The following NFAM1 variants were observed in gnomAD, a reference collection of about 807,000 sequenced individuals.
NFAM1 encodes the protein NFAT activating protein with ITAM motif 1.
In NFAM1, 17 loss-of-function variants were observed where a neutral mutation model predicts 29.0. That is an observed-to-expected ratio of 0.59 (90% CI 0.40 to 0.88). The LOEUF is 0.88. NFAM1 is among the 40% of genes least tolerant of loss of function. The pLI is 0.00. For missense variants in NFAM1, 324 were observed against 344.6 expected (o/e 0.94, Z 0.47); for synonymous variants, 175 against 147.2 (o/e 1.19, Z -1.36).
At chr22:42,437,019 A>C, upstream of NFAM1, 2 of 984,470 alleles carry the variant, frequency 2.0e-6, no homozygotes, top group Non-Finnish European at 2.4e-6. Context: ...TCCCCCTGCT[A>C]TGCTCAGTTT....
In NFAM1 at chr22:42,409,918, C is replaced by T. The variant is rs934470683; in HGVS notation, c.452-371G>A. Reference sequence around the variant, plus strand: ...TGGATGTGGCTAGGGCTGAAGGAGGCGGATTTATCCTGGGACTGACAGGGG... The same window carrying T: ...TGGATGTGGCTAGGGCTGAAGGAGGTGGATTTATCCTGGGACTGACAGGGG... On this transcript the variant is annotated intron_variant, in intron 2 of 5. Coordinates refer to ENST00000329021, the MANE Select transcript of NFAM1 (RefSeq NM_145912.8). The surrounding 1 kb of genome is among the most constrained non-coding windows in gnomAD (Gnocchi z 4.9). Among the ~76,000 whole-genome samples the T allele has an allele frequency of 5.9e-5, 9 of 152,220 alleles. No individual in the cohort carries two copies. Among genetic ancestry groups the T allele is most frequent in the South Asian group, 2.1e-4 (1 of 4,824 alleles).
intron 1 of NFAM1, among the ~76,000 whole-genome samples, chr22:42,420,718 A>G (rs1165095641): frequency 3.4e-5 from 5 of 146,496 alleles, no homozygotes. Context: ...GTGAGCCGAG[A>G]TCACGCACGC....
At position 42,383,685 on chromosome 22, in the gene NFAM1, T is replaced by TCATGCTACTACTG. The variant is rs1929034125; in HGVS notation, c.*1475_*1476insCAGTAGTAGCATG. The stretch of plus-strand genomic sequence containing the variant: ...GGGGCATGACCTGCAGAACCAAAGG[T>TCATGCTACTACTG]GCTTCTGTGAGCCAGTAGCCCAGTG... On this transcript the variant is annotated 3_prime_UTR_variant, in exon 6 of 6. Transcript: ENST00000329021. 6.5e-6 allele frequency: 1 copy of TCATGCTACTACTG among 152,796 alleles called. No homozygotes were observed. The highest frequency in any genetic ancestry group is 2.1e-4 in the South Asian group (1 of 4,828). The allele number at this position is 152,796 out of a possible 1,614,324, so 9.5% of individuals were successfully genotyped here. A position where few individuals can be genotyped will look rare whatever the true frequency, so the allele number is the denominator to read the frequency against.
intron 1 of NFAM1, among the ~76,000 whole-genome samples, chr22:42,427,010 C>G: frequency 6.6e-6 from 1 of 152,120 alleles, no homozygotes; most frequent in South Asian, 2.1e-4. Flanking sequence ...CAGCGTACTC[C>G]AGAGACTTGG....
In NFAM1 at chr22:42,388,001, A is replaced by G. The variant is rs966430468; in HGVS notation, c.664-923T>C. 1.3e-5 allele frequency among the ~76,000 whole-genome samples: 2 copies of G among 152,200 alleles called. No homozygotes were observed. Among genetic ancestry groups the G allele is most frequent in the Non-Finnish European group, 2.9e-5 (2 of 68,032 alleles). ...TGAGGGCAGGGACCATGCCTAGTCT[A>G]TCTCTGGGTTTCTGATTCTACAGCT... On this transcript the variant is annotated intron_variant, in intron 4 of 5. Coordinates refer to ENST00000329021, the MANE Select transcript of NFAM1 (RefSeq NM_145912.8). The surrounding 1 kb of genome is among the most constrained non-coding windows in gnomAD (Gnocchi z 4.1).
Position 42,419,571 on chromosome 22 carries a change from C to T in NFAM1, c.122-7835G>A, listed in dbSNP as rs1482856918. On this transcript the variant is annotated intron_variant, in intron 1 of 5. Transcript: ENST00000329021. The surrounding 1 kb of genome is among the most constrained non-coding windows in gnomAD (Gnocchi z 4.5). ...ATGGAAAGTCCCTGGCTTGGAGGATCCAGTTCTTGCCTCCCAGGACCTGCA... is the reference window on the plus strand; with the variant it reads ...ATGGAAAGTCCCTGGCTTGGAGGATTCAGTTCTTGCCTCCCAGGACCTGCA... Among the ~76,000 whole-genome samples the T allele has an allele frequency of 1.3e-5, 2 of 152,202 alleles. No homozygotes were observed. Among genetic ancestry groups the T allele is most frequent in the East Asian group, 1.9e-4 (1 of 5,202 alleles).
chr22:42,421,610 C>T (rs1930449244), intron 1 of NFAM1, among the ~76,000 whole-genome samples: 2 of 152,128 alleles, frequency 1.3e-5, no homozygotes, highest in African/African-American at 4.8e-5. Context: ...GGGCTTTGGT[C>T]CCGGCTCCCC....
In NFAM1 at chr22:42,397,981, C is replaced by T. The variant is rs200200054; in HGVS notation, c.565-25G>A. On this transcript the variant is annotated intron_variant, in intron 3 of 5. Transcript: ENST00000329021. Reference sequence around the variant, plus strand: ...TCTGTAGGGAGAAAGGAGTCAGGGCCAGGGATGAGTGGCTCTCGTCTTCCT... The same window carrying T: ...TCTGTAGGGAGAAAGGAGTCAGGGCTAGGGATGAGTGGCTCTCGTCTTCCT... 1.9e-4 allele frequency: 251 copies of T among 1,349,680 alleles called. 1 individual carries two copies. The African/African-American group carries it at 3.4e-3, about 18-fold the overall frequency. 83.6% of individuals were successfully genotyped at this position (1,349,680 alleles called of 1,614,324 possible). A position where few individuals can be genotyped will look rare whatever the true frequency, so the allele number is the denominator to read the frequency against.
intron 1 of NFAM1, among the ~76,000 whole-genome samples, chr22:42,418,230 C>A (rs1474055631): frequency 6.6e-6 from 1 of 152,248 alleles, no homozygotes; most frequent in Non-Finnish European, 1.5e-5. Context: ...GCTGGCTTTA[C>A]TTCTCTGACC....
At chr22:42,389,502 C>G (rs1929260371) in intron 4 of NFAM1, among the ~76,000 whole-genome samples, 1 of 151,876 alleles carries the variant, frequency 6.6e-6, no homozygotes, top group Non-Finnish European at 1.5e-5. Context: ...ACAGGACACC[C>G]TTTGAGCTCC....
chr22:42,436,317 G>A (rs1930938942), upstream of NFAM1, among the ~76,000 whole-genome samples: 1 of 152,206 alleles, frequency 6.6e-6, no homozygotes, highest in Non-Finnish European at 1.5e-5. Context: ...GCACCAAGAG[G>A]AGCTGAGCCG....
chr22:42,406,176 C>G (rs937551860), intron 3 of NFAM1, among the ~76,000 whole-genome samples: 6 of 128,322 alleles, frequency 4.7e-5, no homozygotes, highest in African/African-American at 1.6e-4. Context: ...CCCCCCGGCT[C>G]GCGCCTCACC....
At chr22:42,385,546 C>A (rs982314227) in intron 5 of NFAM1, among the ~76,000 whole-genome samples, 2 of 152,142 alleles carry the variant, frequency 1.3e-5, no homozygotes, top group African/African-American at 2.4e-5. Context: ...CTGCCCCCTA[C>A]TCACTCTGCC....
At position 42,388,088 on chromosome 22, in the gene NFAM1, G is replaced by A. The variant is rs1396942398; in HGVS notation, c.664-1010C>T. Reference sequence around the variant, plus strand: ...TGGTAAGGGGGCTTCCCCGTCACTCGGGTGTGTCCTAGGCCCACTCACTCT... The same window carrying A: ...TGGTAAGGGGGCTTCCCCGTCACTCAGGTGTGTCCTAGGCCCACTCACTCT... On this transcript the variant is annotated intron_variant, in intron 4 of 5. Coordinates refer to ENST00000329021, the MANE Select transcript of NFAM1 (RefSeq NM_145912.8). The surrounding 1 kb of genome is among the most constrained non-coding windows in gnomAD (Gnocchi z 4.1). Among the ~76,000 whole-genome samples, 3 of 152,194 alleles carry A rather than the reference G, an allele frequency of 2.0e-5. No individual in the cohort carries two copies. Among genetic ancestry groups the A allele is most frequent in the African/African-American group, 7.2e-5 (3 of 41,450 alleles).
upstream of NFAM1, among the ~76,000 whole-genome samples, chr22:42,434,297 C>T (rs562379065): frequency 6.6e-6 from 1 of 152,252 alleles, no homozygotes; most frequent in East Asian, 1.9e-4. Flanking sequence ...TTCCTCCAGG[C>T]TTGATATGAA....
At chr22:42,399,103 G>A (rs1048130541) in intron 3 of NFAM1, among the ~76,000 whole-genome samples, 15 of 152,168 alleles carry the variant, frequency 9.9e-5, no homozygotes, top group African/African-American at 3.6e-4. Flanking sequence ...TCAGGTAGAG[G>A]GAACAGCAGG....
upstream of NFAM1, among the ~76,000 whole-genome samples, chr22:42,432,773 T>C (rs1416619066): frequency 1.3e-5 from 2 of 152,188 alleles, no homozygotes; most frequent in Non-Finnish European, 2.9e-5. Flanking sequence ...CACAAACTTC[T>C]CTAAAATATT....
the NFAM1 span, chr22:42,437,974 GCA>G: frequency 6.6e-6 from 1 of 152,206 alleles, no homozygotes; most frequent in Admixed American, 6.5e-5. Context: ...TGGAAACGCC[GCA>G]CAGTCTCCTC....
intron 1 of NFAM1, among the ~76,000 whole-genome samples, chr22:42,423,668 A>T (rs1930521708): frequency 6.6e-6 from 1 of 151,730 alleles, no homozygotes; most frequent in Non-Finnish European, 1.5e-5. Flanking sequence ...GCAGTGAGCC[A>T]TGACTGTATC....
Sources: gnomAD v4.1 joint callset for allele counts (sites outside exome capture counted in the v4.1 genomes callset) on GRCh38, gnomAD v4.1.1 for gene constraint, Gnocchi (gnomAD v3.1) non-coding constraint, MANE v1.5 for transcripts, NCBI Gene and HGNC (gene_info 2026-07-23, HGNC 2026-07-21) for gene names.